CDK1: variants seen among roughly 807,000 people sequenced by gnomAD.
CDK1 encodes cyclin-dependent kinase 1.
Under a neutral mutation model 34.6 loss-of-function variants are expected in CDK1, and 5 were observed. The ratio of observed to expected loss-of-function variants is 0.14; its 90% confidence interval spans 0.08 to 0.30. The LOEUF is 0.30. Among genes scored for constraint, CDK1 ranks in the 10% least tolerant of loss-of-function variants. CDK1 has a pLI of 1.00. For synonymous variants in CDK1, 108 were observed against 114.7 expected (o/e 0.94, Z 0.37); for missense variants, 157 against 345.7 (o/e 0.45, Z 4.33).
At chr10:60,789,591 C>T (rs997124963) in intron 5 of CDK1, among the ~76,000 whole-genome samples, 3 of 152,048 alleles carry the variant, frequency 2.0e-5, no homozygotes, top group East Asian at 3.8e-4. Flanking sequence ...ATTGCGTGCA[C>T]GTATGTGTGT....
chr10:60,780,909 C>G (rs913970275), intron 2 of CDK1, among the ~76,000 whole-genome samples: 1 of 151,952 alleles, frequency 6.6e-6, no homozygotes, highest in East Asian at 1.9e-4. Context: ...AGAAAATTCC[C>G]AACTATATTT....
At chr10:60,785,200 GA>G (rs1339740702) in intron 3 of CDK1, among the ~76,000 whole-genome samples, 3 of 152,164 alleles carry the variant, frequency 2.0e-5, no homozygotes, top group African/African-American at 7.2e-5. Context: ...AGAGTCTTAA[GA>G]AAAGTAGCTA....
At position 60,784,733 on chromosome 10, in the gene CDK1, A is replaced by T; in HGVS notation, c.66A>T (p.Arg22Ser). The T allele has an allele frequency of 6.2e-7, 1 of 1,613,258 alleles. No homozygotes were observed. Among genetic ancestry groups the T allele is most frequent in the African/African-American group, 1.3e-5 (1 of 75,018 alleles). Reference protein sequence around the residue: ...EGTYGVVYKGRHKTTGQVVAM... With the variant: ...EGTYGVVYKGSHKTTGQVVAM... ...CCTATGGAGTTGTGTATAAGGGTAG[A>T]CACAAAACTACAGGTCAAGTGGTAG... The change falls in exon 3 of 8, where the codon AGA becomes AGT. Residue 22 changes from arginine to serine, a missense_variant. Around this residue, in one of 3 missense-constraint regions of CDK1, gnomAD observed 53 missense variants for 89.2 expected, o/e 0.59. Coordinates refer to ENST00000395284, the MANE Select transcript of CDK1 (RefSeq NM_001786.5).
Position 60,793,877 on chromosome 10 carries a change from A to G in CDK1, c.796A>G (p.Lys266Glu). The G allele has an allele frequency of 1.3e-6, 2 of 1,500,404 alleles. No homozygotes were observed. The highest frequency in any genetic ancestry group is 1.8e-6 in the Non-Finnish European group (2 of 1,102,562). The allele number at this position is 1,500,404 out of a possible 1,614,324, so 92.9% of individuals were successfully genotyped here. Reference protein sequence around the residue: ...LDENGLDLLSKMLIYDPAKRI... With the variant: ...LDENGLDLLSEMLIYDPAKRI... The stretch of plus-strand genomic sequence containing the variant: ...TATCTCTTTTTCTTTTTTCTCCCAG[A>G]AAATGTTAATCTATGATCCAGCCAA... Residue 266 changes from lysine to glutamate, a missense_variant and splice_region_variant, in exon 8 of 8, where the codon AAA (lysine) becomes GAA (glutamate). Coordinates refer to ENST00000395284, the MANE Select transcript of CDK1 (RefSeq NM_001786.5).
In CDK1 at chr10:60,784,844, T is replaced by C; in HGVS notation, c.177T>C (p.Arg59=). ...AAATTTCTCTATTAAAGGAACTTCG[T>C]CATCCAAATATAGTCAGGTATGTTG... ...IREISLLKEL[R]HPNIVSLQDV... is the part of the protein sequence containing the mutation. The change falls in exon 3 of 8, where the codon CGT becomes CGC. Residue 59 remains arginine (R), a synonymous_variant. Coordinates refer to ENST00000395284, the MANE Select transcript of CDK1 (RefSeq NM_001786.5). 2 of 1,613,386 alleles carry C rather than the reference T, an allele frequency of 1.2e-6. No individual in the cohort carries two copies. Among genetic ancestry groups the C allele is most frequent in the African/African-American group, 2.7e-5 (2 of 75,026 alleles).
intron 5 of CDK1, 95 bp from the exon 6 acceptor site, chr10:60,791,795 C>A: frequency 3.3e-6 from 2 of 608,224 alleles, no homozygotes; most frequent in Non-Finnish European, 5.6e-6. Flanking sequence ...AGTCATACAA[C>A]CTTTAAAGGA....
rs2080379569 is a variant in CDK1, at chr10:60,794,000, G to A, written c.*25G>A. 2 of 1,145,684 alleles carry A rather than the reference G, an allele frequency of 1.7e-6. No individual in the cohort carries two copies. Among genetic ancestry groups the A allele is most frequent in the African/African-American group, 1.6e-5 (1 of 60,942 alleles). 71.0% of individuals were successfully genotyped at this position (1,145,684 alleles called of 1,614,324 possible). On this transcript the variant is annotated 3_prime_UTR_variant, in exon 8 of 8. Coordinates refer to ENST00000395284, the MANE Select transcript of CDK1 (RefSeq NM_001786.5). ...GCTTTCTGACAAAAAGTTTCCATAT[G>A]TTATATCAACAGATAGTTGTGTTTT...
At chr10:60,778,380 CCCAGCGTAGCTGGG>C (rs1472570071), upstream of CDK1, 1 of 152,290 alleles carries the variant, frequency 6.6e-6, no homozygotes. Flanking sequence ...GGAAGGCCTG[CCCAGCGTAGCTGGG>C]CTCTGATTGG....
Position 60,786,044 on chromosome 10 carries a change from TG to T in CDK1, c.318+259del, listed in dbSNP as rs532901473. On this transcript the variant is annotated intron_variant, in intron 4 of 7. Coordinates refer to ENST00000395284, the MANE Select transcript of CDK1 (RefSeq NM_001786.5). ...GGTATTGTTGGAAGCTAGGGTAGTC[TG>T]GTCTTTCTTTGGCTGTCAGATACAT... The T allele has an allele frequency of 9.8e-5, 106 of 1,082,634 alleles. No individual in the cohort carries two copies. The African/African-American group carries it at 1.7e-3, about 17-fold the overall frequency. The allele number at this position is 1,082,634 out of a possible 1,614,324, so 67.1% of individuals were successfully genotyped here.
At chr10:60,787,615 T>C (rs948144885) in intron 4 of CDK1, 1 of 152,106 alleles carries the variant, frequency 6.6e-6, no homozygotes, top group East Asian at 1.9e-4. Context: ...CATTGAAATA[T>C]ATAATCATAA....
intron 2 of CDK1, among the ~76,000 whole-genome samples, chr10:60,784,022 C>T (rs1349906200): frequency 6.6e-6 from 1 of 152,144 alleles, no homozygotes; most frequent in Non-Finnish European, 1.5e-5. Flanking sequence ...TGACTTTTAT[C>T]AGTAATATTT....
intron 7 of CDK1, 33 bp downstream of exon 7, chr10:60,792,322 T>C: frequency 6.4e-7 from 1 of 1,555,818 alleles, no homozygotes; most frequent in Non-Finnish European, 8.7e-7. Context: ...ACTTTCAAAT[T>C]ATTGATGATT....
intron 2 of CDK1, among the ~76,000 whole-genome samples, chr10:60,780,717 A>C (rs2080265897): frequency 6.6e-6 from 1 of 152,164 alleles, no homozygotes; most frequent in Non-Finnish European, 1.5e-5. Flanking sequence ...CTATTCTAAA[A>C]TTATAACTTA....
At chr10:60,785,849 G>C in intron 4 of CDK1, 62 bp downstream of exon 4, 1 of 1,398,108 alleles carries the variant, frequency 7.2e-7, no homozygotes, top group Non-Finnish European at 9.4e-7. Flanking sequence ...ACTATATATA[G>C]AAGTCCCTGC....
At chr10:60,789,186 T>C (rs1418336555) in intron 5 of CDK1, among the ~76,000 whole-genome samples, 1 of 152,184 alleles carries the variant, frequency 6.6e-6, no homozygotes, top group Non-Finnish European at 1.5e-5. Context: ...GTGTATTGAT[T>C]AAATTGGGGT....
chr10:60,782,504 CAT>C (rs902021331), intron 2 of CDK1, among the ~76,000 whole-genome samples: 2 of 152,130 alleles, frequency 1.3e-5, no homozygotes, highest in Non-Finnish European at 2.9e-5. Flanking sequence ...CTTTTTGGAT[CAT>C]AGAGTAGCAG....
intron 7 of CDK1, among the ~76,000 whole-genome samples, chr10:60,792,974 A>G (rs3213077): frequency 0.17 from 25,197 of 152,058 alleles, 2,229 homozygotes; most frequent in Non-Finnish European, 0.18. Flanking sequence ...TGCCATTAGT[A>G]TACTCTTCAC....
rs780700178 is a variant in CDK1 at position 60,792,217 on chromosome 10, T to C, written c.723T>C (p.Phe241=). ...VESLQDYKNT[F]PKWKPGSLAS... Reference sequence around the variant, plus strand: ...CTTTACAGGACTATAAGAATACATTTCCCAAATGGAAACCAGGAAGCCTAG... The same window carrying C: ...CTTTACAGGACTATAAGAATACATTCCCCAAATGGAAACCAGGAAGCCTAG... The change falls in exon 7 of 8, where the codon TTT becomes TTC. Residue 241 remains phenylalanine, a synonymous_variant. Transcript: ENST00000395284. 39 of 1,612,768 alleles carry C rather than the reference T, an allele frequency of 2.4e-5. No homozygotes were observed. Among genetic ancestry groups the C allele is most frequent in the Admixed American group, 3.3e-5 (2 of 59,856 alleles).
chr10:60,781,910 C>T (rs2080276639), intron 2 of CDK1, among the ~76,000 whole-genome samples: 1 of 152,192 alleles, frequency 6.6e-6, no homozygotes, highest in Non-Finnish European at 1.5e-5. Context: ...ATAATAATAA[C>T]ATCTGTTTTC....
Sources: gnomAD v4.1 joint callset for allele counts (sites outside exome capture counted in the v4.1 genomes callset) on GRCh38, gnomAD v4.1.1 for gene constraint, gnomAD v4.1.1 regional missense constraint, MANE v1.5 for transcripts, NCBI Gene and HGNC (gene_info 2026-07-23, HGNC 2026-07-21) for gene names.